Variants in RLIM observed in about 807,000 individuals in gnomAD.
RLIM encodes the protein ring finger protein, LIM domain interacting.
RLIM carries 2 observed loss-of-function variants against 34.0 expected under a neutral mutation model. The ratio of observed to expected loss-of-function variants is 0.06; its 90% CI spans 0.02 to 0.19. RLIM has a LOEUF of 0.19. RLIM is among the 10% of genes least tolerant of loss of function. The probability of loss-of-function intolerance (pLI) is 1.00; values close to 1 mark genes in which losing one functional copy is unlikely to be tolerated. For missense variants in RLIM, 286 were observed against 479.7 expected, an observed-to-expected ratio of 0.60 and a Z score of 3.77; for synonymous variants, 169 against 164.0, an observed-to-expected ratio of 1.03 and a Z score of -0.23.
chrX:74,605,635 G>T (rs2079679342), intron 1 of RLIM, among the ~76,000 whole-genome samples: 1 of 111,905 alleles, frequency 8.9e-6, no homozygotes, highest in African/African-American at 3.2e-5. Flanking sequence ...CAGAAATTCT[G>T]ACTTCAGCAT....
intron 1 of RLIM, among the ~76,000 whole-genome samples, chrX:74,608,625 G>A (rs2079693291): frequency 8.9e-6 from 1 of 111,935 alleles, no homozygotes; most frequent in Non-Finnish European, 1.9e-5. Context: ...AGTTAGCTTA[G>A]CCTCCACTTA....
At chrX:74,596,671 TAC>T (rs1222472274) in intron 1 of RLIM, among the ~76,000 whole-genome samples, 1 of 112,538 alleles carries the variant, frequency 8.9e-6, no homozygotes, top group Non-Finnish European at 1.9e-5. Context: ...AACGCAGCCA[TAC>T]ACATTCATTT....
In RLIM at chrX:74,587,029, T is replaced by C. The variant is rs2079590621; in HGVS notation, c.*4411A>G. 9.0e-6 allele frequency: 1 copy of C among 111,591 alleles called. No individual in the cohort carries two copies. Among genetic ancestry groups the C allele is most frequent in the African/African-American group, 3.3e-5 (1 of 30,665 alleles). The allele number at this position is 111,591 out of a possible 1,213,427, so 9.2% of individuals were successfully genotyped here. On this transcript the variant is annotated 3_prime_UTR_variant, in exon 4 of 4. Coordinates refer to ENST00000332687, the MANE Select transcript of RLIM (RefSeq NM_016120.4). ...TGAGCCCAGGAAGTCAAGGCTGCAGTGAGCTGTGACCATGCCACTGCACTC... is the reference window on the plus strand; with the variant it reads ...TGAGCCCAGGAAGTCAAGGCTGCAGCGAGCTGTGACCATGCCACTGCACTC...
rs765889078 is a variant in RLIM, at chrX:74,592,849, T to A, written c.466A>T (p.Asn156Tyr). 2 of 1,211,802 alleles carry A rather than the reference T, an allele frequency of 1.7e-6. No homozygotes were observed. The highest frequency in any genetic ancestry group is 5.9e-5 in the East Asian group (2 of 33,842). ...CTAGAACGTCTTGCAGATGGCTCAT[T>A]TTCATTCTCTGAATTTTGGCTCCCA... ...NNGSQNSENE[N>Y]EPSARRSSGE... The change falls in exon 4 of 4, where the codon AAT (asparagine) becomes TAT (tyrosine). Residue 156 changes from asparagine to tyrosine, a missense_variant. Physicochemically the swap from Asn to Tyr is moderately radical, Grantham distance 143 (BLOSUM62 -2). Around this residue, in one of 6 missense-constraint regions of RLIM, gnomAD observed 121 missense variants for 182.4 expected, o/e 0.66. Coordinates refer to ENST00000332687, the MANE Select transcript of RLIM (RefSeq NM_016120.4).
chrX:74,594,280 A>G (rs982689950), intron 3 of RLIM, 26 bp downstream of exon 3: 3 of 1,116,723 alleles, frequency 2.7e-6, no homozygotes, highest in Non-Finnish European at 3.6e-6. Context: ...TCGTCTATCC[A>G]CCTCCCCACC....
Position 74,588,673 on chromosome X carries a change from C to T in RLIM, c.*2767G>A, listed in dbSNP as rs2079598410. 1 of 111,905 alleles carries T rather than the reference C, an allele frequency of 8.9e-6. No homozygotes were observed. The highest frequency in any genetic ancestry group is 3.7e-4 in the South Asian group (1 of 2,700). The allele number at this position is 111,905 out of a possible 1,213,427, so 9.2% of individuals were successfully genotyped here. On this transcript the variant is annotated 3_prime_UTR_variant, in exon 4 of 4. Transcript: ENST00000332687. ...TTGTTTATCCTTGTTCCTCTTACTG[C>T]ATGAAGTTCAAACTAGGTCTTAAAG...
chrX:74,593,345 A>C (rs755791461), intron 3 of RLIM, among the ~76,000 whole-genome samples: 1 of 112,471 alleles, frequency 8.9e-6, no homozygotes, highest in Admixed American at 9.4e-5. Flanking sequence ...AGAGCCAAGC[A>C]TACCACTGTG....
chrX:74,591,106 TC>T lies in RLIM; in HGVS notation c.*333del, dbSNP rs2079610746. On this transcript the variant is annotated 3_prime_UTR_variant, in exon 4 of 4. Coordinates refer to ENST00000332687, the MANE Select transcript of RLIM (RefSeq NM_016120.4). ...CTTATGGTGTGGGAAAATTTAAAGA[TC>T]AACATGAAAAAGGAGCCATTGCTAA... The T allele has an allele frequency of 4.8e-6, 1 of 206,206 alleles. No homozygotes were observed. Among genetic ancestry groups the T allele is most frequent in the Admixed American group, 6.5e-5 (1 of 15,347 alleles). The allele number at this position is 206,206 out of a possible 1,213,427, so 17.0% of individuals were successfully genotyped here.
Position 74,591,783 on chromosome X carries a change from T to A in RLIM, c.1532A>T (p.Glu511Val). Residue 511 changes from glutamate (E) to valine (V), a missense_variant, in exon 4 of 4, where the codon GAG becomes GTG. This residue lies in a region of RLIM where 69 missense variants were observed against 83.5 expected (regional missense o/e 0.83). Coordinates refer to ENST00000332687, the MANE Select transcript of RLIM (RefSeq NM_016120.4). Reference sequence around the variant, plus strand: ...TGTGACTGGGGCCCTATGTCGACCCTCTCGCCTGGCACCTGATGAGCCTGA... The same window carrying A: ...TGTGACTGGGGCCCTATGTCGACCCACTCGCCTGGCACCTGATGAGCCTGA... ...SSSGSSGARR[E>V]GRHRAPVTFD... The A allele has an allele frequency of 8.3e-7, 1 of 1,211,437 alleles. No homozygotes were observed. Among genetic ancestry groups the A allele is most frequent in the African/African-American group, 1.7e-5 (1 of 57,771 alleles).
rs915774367 is a variant in RLIM at position 74,584,741 on chromosome X, TA to T, written c.*6698del. 4.5e-5 allele frequency among the ~76,000 whole-genome samples: 5 copies of T among 111,714 alleles called. No homozygotes were observed. The highest frequency in any genetic ancestry group is 1.6e-4 in the African/African-American group (5 of 30,677). On this transcript the variant is annotated 3_prime_UTR_variant, in exon 4 of 4. Transcript: ENST00000332687. The stretch of plus-strand genomic sequence containing the variant: ...ACAGCTGTGTACCACCACACCTGGC[TA>T]ATTTATGTCTGGATCCTTTTCACTG...
In RLIM at chrX:74,583,482, ACAGCAGGAGTAGCTG is replaced by A. The variant is rs1314006052; in HGVS notation, c.*7943_*7957del. The A allele has an allele frequency of 6.1e-6, 4 of 656,877 alleles. No individual in the cohort carries two copies. The highest frequency in any genetic ancestry group is 2.2e-5 in the Admixed American group (1 of 45,005). The allele number at this position is 656,877 out of a possible 1,213,427, so 54.1% of individuals were successfully genotyped here. ...ATATTTATACTGTGGAACGGTGCGGACAGCAGGAGTAGCTGCAGCAGCTGTAGCTGCAAGACGTGG... is the reference window on the plus strand; with the variant it reads ...ATATTTATACTGTGGAACGGTGCGGACAGCAGCTGTAGCTGCAAGACGTGG... On this transcript the variant is annotated 3_prime_UTR_variant, in exon 4 of 4. Transcript: ENST00000332687.
intron 2 of RLIM, among the ~76,000 whole-genome samples, chrX:74,594,823 C>T (rs1332648096): frequency 2.8e-5 from 3 of 105,304 alleles, no homozygotes; most frequent in African/African-American, 1.1e-4. Context: ...CGCTTGAGCC[C>T]AGGAGGCAGA....
intron 1 of RLIM, among the ~76,000 whole-genome samples, chrX:74,602,727 A>G (rs1357391756): frequency 9.0e-6 from 1 of 111,468 alleles, no homozygotes; most frequent in Non-Finnish European, 1.9e-5. Context: ...ATCCCGTCTC[A>G]AAAACAAAAG....
At chrX:74,600,604 TCCAA>T (rs2079657258) in intron 1 of RLIM, among the ~76,000 whole-genome samples, 1 of 110,990 alleles carries the variant, frequency 9.0e-6, no homozygotes, top group African/African-American at 3.3e-5. Context: ...ATATAAATCT[TCCAA>T]AGAAGGCAAA....
At chrX:74,595,032 C>T (rs973934171) in intron 2 of RLIM, among the ~76,000 whole-genome samples, 20 of 111,096 alleles carry the variant, frequency 1.8e-4, no homozygotes, top group African/African-American at 6.6e-4. Flanking sequence ...ACATGAGACC[C>T]TGTCTCAAAA....
At position 74,583,044 on chromosome X, in the gene RLIM, T is replaced by A. The variant is rs1435813603; in HGVS notation, c.*8396A>T. The A allele has an allele frequency of 4.8e-6, 4 of 839,901 alleles. No individual in the cohort carries two copies. Among genetic ancestry groups the A allele is most frequent in the South Asian group, 4.3e-5 (2 of 46,565 alleles). The allele number at this position is 839,901 out of a possible 1,213,427, so 69.2% of individuals were successfully genotyped here. ...AAGTTTTTCGATGTTTAGATATTTTTCTTTGGTGAAGCACAAGTTTCTTTT... is the reference window on the plus strand; with the variant it reads ...AAGTTTTTCGATGTTTAGATATTTTACTTTGGTGAAGCACAAGTTTCTTTT... On this transcript the variant is annotated 3_prime_UTR_variant, in exon 4 of 4. Transcript: ENST00000332687.
chrX:74,584,437 T>C lies in RLIM; in HGVS notation c.*7003A>G, dbSNP rs1413990813. ...TAGCTAATTTAATTATAGTTAGTAA[T>C]CCATGCAAGGCCTTATAGTTAAATC... On this transcript the variant is annotated 3_prime_UTR_variant, in exon 4 of 4. Coordinates refer to ENST00000332687, the MANE Select transcript of RLIM (RefSeq NM_016120.4). Among the ~76,000 whole-genome samples, 4 of 112,495 alleles carry C rather than the reference T, an allele frequency of 3.6e-5. No individual in the cohort carries two copies.
At chrX:74,604,129 C>A (rs2079673026) in intron 1 of RLIM, among the ~76,000 whole-genome samples, 1 of 104,508 alleles carries the variant, frequency 9.6e-6, no homozygotes, top group African/African-American at 3.6e-5. Flanking sequence ...AAAAAAAAAT[C>A]ATTTCAACAT....
chrX:74,612,070 C>T (rs2079713988), intron 1 of RLIM, among the ~76,000 whole-genome samples: 1 of 110,341 alleles, frequency 9.1e-6, no homozygotes, highest in Admixed American at 9.7e-5. Flanking sequence ...ATGTGGTTAC[C>T]CTAATGATGA....
Sources: gnomAD v4.1 joint callset for allele counts (sites outside exome capture counted in the v4.1 genomes callset) on GRCh38, gnomAD v4.1.1 for gene constraint, gnomAD v4.1.1 regional missense constraint, MANE v1.5 for transcripts, NCBI Gene and HGNC (gene_info 2026-07-23, HGNC 2026-07-21) for gene names.